Variants in WDFY4 observed in about 807,000 individuals in gnomAD.
WDFY4 encodes the protein WD repeat- and FYVE domain-containing protein 4.
WDFY4 carries 169 observed loss-of-function variants against 351.9 expected under a neutral mutation model. The ratio of observed to expected loss-of-function variants is 0.48; its 90% confidence interval spans 0.42 to 0.55. WDFY4 has a LOEUF of 0.55. Among genes scored for constraint, WDFY4 ranks in the 20% least tolerant of loss-of-function variants. The pLI, the probability that WDFY4 is intolerant of heterozygous loss-of-function variation, is 0.00. For synonymous variants in WDFY4, 1,622 were observed against 1,574.6 expected (o/e 1.03, Z -0.71); for missense variants, 3,803 against 3,935.6 (o/e 0.97, Z 0.90).
intron 19 of WDFY4, among the ~76,000 whole-genome samples, chr10:48,783,752 C>A (rs1394868959): frequency 2.0e-5 from 3 of 152,162 alleles, no homozygotes; most frequent in Non-Finnish European, 4.4e-5. Flanking sequence ...AACACTTAGG[C>A]TATATGGTAT....
Position 48,974,527 on chromosome 10 carries a change from A to AAAAAAAAAAAAAACAAACAAAACAAC in WDFY4, c.8929-333_8929-332insAAAAAAAAAAACAAACAAAACAACAA. Among the ~76,000 whole-genome samples, 21 of 23,190 alleles carry AAAAAAAAAAAAAACAAACAAAACAAC rather than the reference A, an allele frequency of 9.1e-4. 6 individuals are homozygous for AAAAAAAAAAAAAACAAACAAAACAAC. Among genetic ancestry groups the AAAAAAAAAAAAAACAAACAAAACAAC allele is most frequent in the Middle Eastern group, 0.023 (1 of 44 alleles). 15.2% of individuals were successfully genotyped at this position (23,190 alleles called of 152,430 possible). A position where few individuals can be genotyped will look rare whatever the true frequency, so the allele number is the denominator to read the frequency against. On this transcript the variant is annotated intron_variant, in intron 57 of 61. Coordinates refer to ENST00000325239, the MANE Select transcript of WDFY4 (RefSeq NM_001394531.1). Reference sequence around the variant, plus strand: ...CAAAAAAAAAAAAAAAAAAAAAAAAAAACAACTCATGACATGAACTGCTCC... The same window carrying AAAAAAAAAAAAAACAAACAAAACAAC: ...CAAAAAAAAAAAAAAAAAAAAAAAAAAAAAAAAAAAAAACAAACAAAACAACAACAACTCATGACATGAACTGCTCC...
At chr10:48,962,837 G>A (rs1182590909) in intron 53 of WDFY4, among the ~76,000 whole-genome samples, 3 of 152,202 alleles carry the variant, frequency 2.0e-5, no homozygotes, top group East Asian at 1.9e-4. Flanking sequence ...TGGACAGAAT[G>A]TTCCTCAGGT....
intron 7 of WDFY4, among the ~76,000 whole-genome samples, chr10:48,728,150 C>T (rs1390783297): frequency 2.6e-5 from 4 of 152,238 alleles, no homozygotes; most frequent in Non-Finnish European, 5.9e-5. Context: ...GAGGCGCTTG[C>T]TTGCTAATGC....
intron 19 of WDFY4, among the ~76,000 whole-genome samples, chr10:48,781,867 A>G (rs1565191143): frequency 6.6e-6 from 1 of 152,248 alleles, no homozygotes. Flanking sequence ...ATTTATGCTT[A>G]TAAGCCAAAG....
At chr10:48,708,733 G>A (rs1371399020) in intron 1 of WDFY4, among the ~76,000 whole-genome samples, 1 of 152,134 alleles carries the variant, frequency 6.6e-6, no homozygotes, top group East Asian at 1.9e-4. Flanking sequence ...TTCCCAACTT[G>A]CAAACACTGC....
At chr10:48,943,864 G>C (rs1057366573) in intron 49 of WDFY4, among the ~76,000 whole-genome samples, 6 of 152,178 alleles carry the variant, frequency 3.9e-5, no homozygotes, top group African/African-American at 1.4e-4. Flanking sequence ...CAAAGTGCTG[G>C]GATTACAGGC....
chr10:48,787,802 TCCTCC>T (rs1565197401), intron 20 of WDFY4, among the ~76,000 whole-genome samples: 4 of 96,580 alleles, frequency 4.1e-5, no homozygotes, highest in Non-Finnish European at 5.9e-5. Context: ...CTCCTCCTCC[TCCTCC>T]TCTTCTTCTT....
intron 23 of WDFY4, among the ~76,000 whole-genome samples, chr10:48,795,322 T>C (rs761069109): frequency 1.5e-4 from 23 of 151,196 alleles, no homozygotes; most frequent in Non-Finnish European, 2.8e-4. Context: ...GATAAGAAAA[T>C]ATAGCTTATT....
At position 48,796,300 on chromosome 10, in the gene WDFY4, A is replaced by G. The variant is rs748720002; in HGVS notation, c.4260A>G (p.Ile1420Met). 1.5e-5 allele frequency: 24 copies of G among 1,551,388 alleles called. 1 individual carries two copies. The Middle Eastern group carries it at 6.7e-4, about 43-fold the overall frequency. The change falls in exon 24 of 62, where the codon ATA (isoleucine) becomes ATG (methionine). Residue 1420 changes from isoleucine to methionine, a missense_variant and splice_region_variant. Ile to Met is a conservative substitution (Grantham distance 10). Transcript: ENST00000325239. ...FLMQHICGYQ[I>M]MAFLLRKKAS... ...CTGCTTTGTGTTAACCTTTTCAGAT[A>G]ATGGCGTTTCTCCTGAGGAAGAAGG...
chr10:48,857,467 A>G (rs1026087223), intron 39 of WDFY4, among the ~76,000 whole-genome samples: 10 of 151,970 alleles, frequency 6.6e-5, no homozygotes, highest in African/African-American at 1.9e-4. Context: ...GGGGCCTTCA[A>G]TGCAATTTCA....
At position 48,723,438 on chromosome 10, in the gene WDFY4, G is replaced by A. The variant is rs760404082; in HGVS notation, c.462G>A (p.Thr154=). ...CGTGTGCTCTTCTCTTGCAGGAGAC[G>A]CTGGGCAGGGTTGCTGAGTCTGGGC... ...VYVLTGTDSE[T]LGRVAESGLP... Residue 154 remains threonine, a synonymous_variant, in exon 5 of 62, where the codon ACG becomes ACA. Transcript: ENST00000325239. 15 of 1,549,696 alleles carry A rather than the reference G, an allele frequency of 9.7e-6. No individual in the cohort carries two copies. In the South Asian group the frequency reaches 1.4e-4, roughly 15 times the overall value.
In WDFY4 at chr10:48,768,246, C is replaced by A. The variant is rs192913154; in HGVS notation, c.2554-6212C>A. On this transcript the variant is annotated intron_variant, in intron 13 of 61. Coordinates refer to ENST00000325239, the MANE Select transcript of WDFY4 (RefSeq NM_001394531.1). The stretch of plus-strand genomic sequence containing the variant: ...GCAAGGTCAGTGCTCGGTCTCCAGG[C>A]TTCCCAGCCCTCCAGGACTGGCAAT... Among the ~76,000 whole-genome samples the A allele has an allele frequency of 1.5e-4, 23 of 152,336 alleles. No individual in the cohort carries two copies. In the East Asian group the frequency reaches 4.4e-3, roughly 29 times the overall value.
At chr10:48,977,802 G>T (rs1237687252) in intron 59 of WDFY4, among the ~76,000 whole-genome samples, 1 of 152,244 alleles carries the variant, frequency 6.6e-6, no homozygotes, top group Non-Finnish European at 1.5e-5. Flanking sequence ...TTGAGAGGAG[G>T]CTGGTCCTTG....
At chr10:48,789,823 C>T in intron 21 of WDFY4, 51 bp from the exon 22 acceptor site, 6 of 1,533,394 alleles carry the variant, frequency 3.9e-6, no homozygotes, top group Non-Finnish European at 5.3e-6. Context: ...GTGGACAATG[C>T]TTCTTCTTTT....
intron 47 of WDFY4, among the ~76,000 whole-genome samples, chr10:48,929,732 A>G (rs917566431): frequency 1.3e-5 from 2 of 152,126 alleles, no homozygotes; most frequent in African/African-American, 2.4e-5. Flanking sequence ...GATGATAAGC[A>G]TCTCAAACCC....
chr10:48,721,721 G>A (rs2064093372), intron 4 of WDFY4, among the ~76,000 whole-genome samples: 1 of 152,180 alleles, frequency 6.6e-6, no homozygotes, highest in African/African-American at 2.4e-5. Flanking sequence ...GCAAGGCTGG[G>A]TGTGTCCCAG....
intron 13 of WDFY4, among the ~76,000 whole-genome samples, chr10:48,769,934 G>A (rs1218625167): frequency 1.3e-5 from 2 of 152,228 alleles, no homozygotes; most frequent in African/African-American, 4.8e-5. Flanking sequence ...CCAACCTGGT[G>A]ACCCTGTGCT....
intron 13 of WDFY4, among the ~76,000 whole-genome samples, chr10:48,772,816 G>A (rs1358914261): frequency 1.3e-5 from 2 of 150,680 alleles, no homozygotes; most frequent in Non-Finnish European, 2.9e-5. Flanking sequence ...TTGTTCTTGC[G>A]ATAGTTTACT....
At chr10:48,738,532 C>T (rs1045996735) in intron 11 of WDFY4, among the ~76,000 whole-genome samples, 1 of 152,170 alleles carries the variant, frequency 6.6e-6, no homozygotes, top group Admixed American at 6.5e-5. Flanking sequence ...CATTGTTTTC[C>T]AAGGGCTAGG....
Sources: gnomAD v4.1 joint callset for allele counts (sites outside exome capture counted in the v4.1 genomes callset) on GRCh38, gnomAD v4.1.1 for gene constraint, MANE v1.5 for transcripts, NCBI Gene and HGNC (gene_info 2026-07-23, HGNC 2026-07-21) for gene names.